Variants in NUMA1 observed in about 807,000 individuals in gnomAD.
NUMA1 encodes nuclear mitotic apparatus protein 1, also known as SP-H antigen.
Under a neutral mutation model 237.1 loss-of-function variants are expected in NUMA1, and 62 were observed. The ratio of observed to expected loss-of-function variants is 0.26; its 90% confidence interval spans 0.21 to 0.32. The LOEUF (loss-of-function observed/expected upper bound fraction) is 0.32, where lower values mean the gene tolerates loss of function less well. Among genes scored for constraint, NUMA1 ranks in the 10% least tolerant of loss-of-function variants. NUMA1 has a pLI of 1.00. For synonymous variants in NUMA1, 1,028 were observed against 1,066.1 expected, an observed-to-expected ratio of 0.96 and a Z score of 0.70; for missense variants, 2,533 against 2,666.5, an observed-to-expected ratio of 0.95 and a Z score of 1.10.
chr11:72,045,611 TGGGACCA>T (rs1274647364), intron 2 of NUMA1, among the ~76,000 whole-genome samples: 1 of 152,146 alleles, frequency 6.6e-6, no homozygotes, highest in Non-Finnish European at 1.5e-5. Context: ...CCGGAGTAGT[TGGGACCA>T]CAGGTGCATG....
intron 2 of NUMA1, among the ~76,000 whole-genome samples, chr11:72,044,249 G>T (rs1941863622): frequency 6.6e-6 from 1 of 152,130 alleles, no homozygotes; most frequent in Admixed American, 6.6e-5. Flanking sequence ...TGTAAAACAA[G>T]AATAAAGACA....
intron 4 of NUMA1, among the ~76,000 whole-genome samples, chr11:72,025,456 G>T (rs1325499576): frequency 6.6e-6 from 1 of 152,018 alleles, no homozygotes. Context: ...TGCTCTGGGA[G>T]GCTTTTGCCA....
At chr11:72,042,624 G>A (rs1340604745) in intron 2 of NUMA1, among the ~76,000 whole-genome samples, 1 of 152,212 alleles carries the variant, frequency 6.6e-6, no homozygotes, top group Non-Finnish European at 1.5e-5. Flanking sequence ...GGTGGGGTCA[G>A]AGAGCTAGGA....
At chr11:72,028,806 T>A (rs78775721) in intron 4 of NUMA1, among the ~76,000 whole-genome samples, 3,404 of 152,324 alleles carry the variant, frequency 0.022, 63 homozygotes, top group Non-Finnish European at 0.034. Context: ...GAGCTTCCCC[T>A]TTCTTCCCTC....
intron 1 of NUMA1, among the ~76,000 whole-genome samples, chr11:72,072,033 C>T (rs1358387297): frequency 6.6e-6 from 1 of 152,124 alleles, no homozygotes; most frequent in Non-Finnish European, 1.5e-5. Context: ...GTCCACTTTG[C>T]TGCAGCTCAT....
In NUMA1 at chr11:72,013,133, C is replaced by T. The variant is rs752710427; in HGVS notation, c.4370G>A (p.Arg1457Gln). ...CAGAAACTGCCGGCCAAGGTTGGCC[C>T]GCTCACCCAGCCCCCGGTTCTCCTC... ...LAEENRGLGE[R>Q]ANLGRQFLEV... Residue 1457 changes from arginine to glutamine, a missense_variant, in exon 15 of 27, where the codon CGG becomes CAG. Physicochemically the swap from Arg to Gln is conservative, Grantham distance 43 (BLOSUM62 1). Around this residue, in one of 3 missense-constraint regions of NUMA1, gnomAD observed 324 missense variants for 407.6 expected, o/e 0.79. Coordinates refer to ENST00000393695, the MANE Select transcript of NUMA1 (RefSeq NM_006185.4). This position sits in a 1 kb window ranked among gnomAD's most constrained non-coding sequence, Gnocchi z 6.8. The T allele has an allele frequency of 6.2e-6, 10 of 1,614,006 alleles. No homozygotes were observed. Among genetic ancestry groups the T allele is most frequent in the African/African-American group, 4.0e-5 (3 of 74,940 alleles).
At chr11:72,024,595 C>T in intron 4 of NUMA1, 1 of 517,668 alleles carries the variant, frequency 1.9e-6, no homozygotes, top group Non-Finnish European at 3.5e-6. Context: ...TGGCACTCTG[C>T]CACCCTATTT....
chr11:72,080,182 G>C (rs538312402), intron 1 of NUMA1: 39 of 151,688 alleles, frequency 2.6e-4, no homozygotes, highest in African/African-American at 9.0e-4. Context: ...AGCCTTTCGG[G>C]AACTTGCCCT....
At chr11:72,030,285 G>A (rs1940122303) in intron 3 of NUMA1, among the ~76,000 whole-genome samples, 1 of 151,366 alleles carries the variant, frequency 6.6e-6, no homozygotes, top group African/African-American at 2.4e-5. Context: ...GCAGTGAGCT[G>A]GGATTGCATC....
Position 72,014,675 on chromosome 11 carries a change from C to T in NUMA1, c.2828G>A (p.Arg943Lys), listed in dbSNP as rs1219876776. Reference protein sequence around the residue: ...ASRELVKEPARAGDRQPEWLE... With the variant: ...ASRELVKEPAKAGDRQPEWLE... The stretch of plus-strand genomic sequence containing the variant: ...CCACTCGGGCTGTCTGTCTCCTGCC[C>T]TCGCAGGCTCCTTGACTAACTCCCG... The change falls in exon 15 of 27, where the codon AGG becomes AAG. Residue 943 changes from arginine (R) to lysine (K), a missense_variant. Physicochemically the swap from Arg to Lys is conservative, Grantham distance 26. Coordinates refer to ENST00000393695, the MANE Select transcript of NUMA1 (RefSeq NM_006185.4). The surrounding 1 kb of genome is among the most constrained non-coding windows in gnomAD (Gnocchi z 4.6). 5 of 1,613,354 alleles carry T rather than the reference C, an allele frequency of 3.1e-6. No homozygotes were observed. The highest frequency in any genetic ancestry group is 2.2e-5 in the East Asian group (1 of 44,886).
intron 2 of NUMA1, among the ~76,000 whole-genome samples, chr11:72,038,997 C>T (rs576449925): frequency 4.5e-4 from 68 of 152,242 alleles, no homozygotes; most frequent in African/African-American, 1.6e-3. Flanking sequence ...AAACTTAAGG[C>T]CCTGCATCCT....
At chr11:72,017,852 C>T (rs1938087292) in intron 12 of NUMA1, 25 bp from the exon 13 acceptor site, 1 of 1,479,304 alleles carries the variant, frequency 6.8e-7, no homozygotes, top group Admixed American at 2.0e-5. Context: ...TGAGAATCCC[C>T]ATCACCCAGA....
In NUMA1 at chr11:72,015,991, G is replaced by A; in HGVS notation, c.1512C>T (p.Thr504=). The A allele has an allele frequency of 6.2e-7, 1 of 1,614,072 alleles. No individual in the cohort carries two copies. The highest frequency in any genetic ancestry group is 8.5e-7 in the Non-Finnish European group (1 of 1,180,020). ...ARLTAQVASL[T]SELTTLNATI... ...TGGCATTGAGTGTGGTGAGCTCAGA[G>A]GTCAGAGAGGCCACCTGGGCAGTCA... is the stretch of plus-strand genomic sequence containing the variant. The change falls in exon 15 of 27, where the codon ACC becomes ACT. Residue 504 remains threonine (T), a synonymous_variant. Transcript: ENST00000393695. This position sits in a 1 kb window ranked among gnomAD's most constrained non-coding sequence, Gnocchi z 4.0.
chr11:72,051,716 C>T (rs1304305333), intron 2 of NUMA1, among the ~76,000 whole-genome samples: 1 of 152,152 alleles, frequency 6.6e-6, no homozygotes, highest in Non-Finnish European at 1.5e-5. Context: ...GCGATCAGCC[C>T]ACCTTGGCCT....
At chr11:72,058,801 A>G (rs1043033195) in intron 2 of NUMA1, among the ~76,000 whole-genome samples, 1 of 152,136 alleles carries the variant, frequency 6.6e-6, no homozygotes, top group Non-Finnish European at 1.5e-5. Context: ...TCACTTGCAC[A>G]TGCTATCCCC....
At chr11:72,036,370 C>T (rs1489486751) in intron 2 of NUMA1, among the ~76,000 whole-genome samples, 1 of 152,232 alleles carries the variant, frequency 6.6e-6, no homozygotes, top group African/African-American at 2.4e-5. Flanking sequence ...AGACAAGCAA[C>T]ATAACCTCTT....
chr11:72,010,048 T>G (rs1234413617), intron 17 of NUMA1, among the ~76,000 whole-genome samples: 2 of 152,242 alleles, frequency 1.3e-5, no homozygotes, highest in Non-Finnish European at 2.9e-5. Flanking sequence ...ATCCCCCCTT[T>G]GCCTCTCCTA....
intron 2 of NUMA1, among the ~76,000 whole-genome samples, chr11:72,061,957 G>T (rs1404885956): frequency 6.6e-6 from 1 of 151,942 alleles, no homozygotes; most frequent in Non-Finnish European, 1.5e-5. Context: ...CACAACACAG[G>T]TGTCTCCTTC....
intron 1 of NUMA1, among the ~76,000 whole-genome samples, chr11:72,079,418 G>A (rs1341321416): frequency 1.3e-5 from 2 of 152,176 alleles, no homozygotes; most frequent in Non-Finnish European, 2.9e-5. Flanking sequence ...GCGGGCGCCT[G>A]TAATCCCAGC....
Sources: allele counts gnomAD v4.1 joint callset (sites outside exome capture counted in the v4.1 genomes callset), GRCh38; gene constraint gnomAD v4.1.1; regional missense constraint gnomAD v4.1.1; non-coding constraint Gnocchi (gnomAD v3.1); transcripts MANE v1.5; gene names NCBI Gene and HGNC (gene_info 2026-07-23, HGNC 2026-07-21).